The following IL10RA variants were observed in gnomAD, a reference collection of about 807,000 sequenced individuals.
The protein encoded by IL10RA is interleukin 10 receptor subunit alpha.
Under a neutral mutation model 29.6 loss-of-function variants are expected in IL10RA, and 18 were observed. That is an observed-to-expected ratio of 0.61 (90% confidence interval 0.42 to 0.90). The LOEUF is 0.90. Among genes scored for constraint, IL10RA ranks in the 40% least tolerant of loss-of-function variants. The pLI is 0.00. For missense variants in IL10RA, 634 were observed against 716.6 expected (o/e 0.88, Z 1.32); for synonymous variants, 292 against 294.1 (o/e 0.99, Z 0.07).
At position 117,989,199 on chromosome 11, in the gene IL10RA, G is replaced by A. The variant is rs949253172; in HGVS notation, c.189-243G>A. 6.6e-6 allele frequency among the ~76,000 whole-genome samples: 1 copy of A among 152,258 alleles called. No homozygotes were observed. The highest frequency in any genetic ancestry group is 6.5e-5 in the Admixed American group (1 of 15,288). On this transcript the variant is annotated intron_variant, in intron 2 of 6. Coordinates refer to ENST00000227752, the MANE Select transcript of IL10RA (RefSeq NM_001558.4). This position sits in a 1 kb window ranked among gnomAD's most constrained non-coding sequence, Gnocchi z 4.5. ...CTGTAGGAGCCAGAAAGAATTTCTG[G>A]AAGAGCTGGGCCTACTCGTATTCCT...
intron 6 of IL10RA, among the ~76,000 whole-genome samples, chr11:117,997,294 T>C (rs192150875): frequency 3.9e-5 from 6 of 152,368 alleles, no homozygotes; most frequent in Admixed American, 2.6e-4. Flanking sequence ...GCACCTTCTA[T>C]GTACCACACT....
At chr11:117,996,250 G>C (rs1354285248) in intron 6 of IL10RA, among the ~76,000 whole-genome samples, 2 of 152,112 alleles carry the variant, frequency 1.3e-5, no homozygotes, top group African/African-American at 4.8e-5. Context: ...GAGGACACTG[G>C]GGGGCGGTGG....
chr11:118,001,610 G>A (rs926867184), downstream of IL10RA: 3 of 357,754 alleles, frequency 8.4e-6, no homozygotes, highest in Admixed American at 7.5e-5. Context: ...TGAGGACTCA[G>A]GCTTAAATCT....
At position 117,999,734 on chromosome 11, in the gene IL10RA, C is replaced by A; in HGVS notation, c.*93C>A. Reference sequence around the variant, plus strand: ...CCTGGGGCAGAAGTTAGGCACGAGGCAGTCTGGGCACTTTTCTGCAAGTCC... The same window carrying A: ...CCTGGGGCAGAAGTTAGGCACGAGGAAGTCTGGGCACTTTTCTGCAAGTCC... On this transcript the variant is annotated 3_prime_UTR_variant, in exon 7 of 7. Transcript: ENST00000227752. The A allele has an allele frequency of 1.7e-6, 2 of 1,167,244 alleles. No homozygotes were observed. Among genetic ancestry groups the A allele is most frequent in the Non-Finnish European group, 2.5e-6 (2 of 792,820 alleles). 72.3% of individuals were successfully genotyped at this position (1,167,244 alleles called of 1,614,324 possible). A position where few individuals can be genotyped will look rare whatever the true frequency, so the allele number is the denominator to read the frequency against.
intron 3 of IL10RA, among the ~76,000 whole-genome samples, chr11:117,992,196 A>G (rs1248654239): frequency 1.3e-5 from 2 of 152,222 alleles, no homozygotes; most frequent in Non-Finnish European, 2.9e-5. Context: ...ACTAATTTCA[A>G]TATCTTTCGA....
intron 1 of IL10RA, 108 bp downstream of exon 1, chr11:117,986,642 G>T: frequency 6.5e-7 from 1 of 1,539,064 alleles, no homozygotes; most frequent in Non-Finnish European, 8.7e-7. Flanking sequence ...CTGGCAGAGC[G>T]GTGCCCGGGT....
downstream of IL10RA, chr11:118,002,525 T>A (rs1035679910): frequency 2.0e-5 from 3 of 152,200 alleles, no homozygotes; most frequent in African/African-American, 7.2e-5. Flanking sequence ...TTATTCCCCA[T>A]GGAAAAGGCC....
chr11:117,987,246 TC>T lies in IL10RA; in HGVS notation c.67+713del. On this transcript the variant is annotated intron_variant, in intron 1 of 6. Coordinates refer to ENST00000227752, the MANE Select transcript of IL10RA (RefSeq NM_001558.4). ...CCAAAATACAAAGTAAAACATGCAG[TC>T]AGCCATTCACGTGATCGAGAGCTGA... 1.3e-5 allele frequency: 3 copies of T among 236,656 alleles called. No homozygotes were observed. The South Asian group carries it at 1.5e-4, about 12-fold the overall frequency. The allele number at this position is 236,656 out of a possible 1,614,324, so 14.7% of individuals were successfully genotyped here.
Position 117,998,715 on chromosome 11 carries a change from C to T in IL10RA, c.811C>T (p.Leu271Phe), listed in dbSNP as rs1241263871. The T allele has an allele frequency of 1.2e-6, 2 of 1,613,914 alleles. No individual in the cohort carries two copies. The highest frequency in any genetic ancestry group is 1.7e-6 in the Non-Finnish European group (2 of 1,179,890). The change falls in exon 7 of 7, where the codon CTC becomes TTC. Residue 271 changes from leucine (L) to phenylalanine (F), a missense_variant and splice_region_variant. Physicochemically the swap from Leu to Phe is conservative, Grantham distance 22. Coordinates refer to ENST00000227752, the MANE Select transcript of IL10RA (RefSeq NM_001558.4). ...RRRKKLPSVL[L>F]FKKPSPFIFI... ...TCTCACTCTGCCCTCTCTTCCCCAG[C>T]TCTTCAAGAAGCCCAGCCCCTTCAT...
At chr11:117,994,219 G>A in intron 5 of IL10RA, 70 bp downstream of exon 5, 1 of 1,419,014 alleles carries the variant, frequency 7.0e-7, no homozygotes, top group Non-Finnish European at 9.8e-7. Context: ...CAAAACGCGT[G>A]CACCTGGGAT....
downstream of IL10RA, chr11:118,002,174 A>C (rs1300110911): frequency 6.6e-6 from 1 of 152,148 alleles, no homozygotes; most frequent in Admixed American, 6.6e-5. Flanking sequence ...GTGGGTTTGA[A>C]TTTCTCCCCA....
At chr11:117,992,662 T>A (rs1006650957) in intron 3 of IL10RA, among the ~76,000 whole-genome samples, 1 of 152,230 alleles carries the variant, frequency 6.6e-6, no homozygotes, top group African/African-American at 2.4e-5. Context: ...ACTCTAGTGG[T>A]TGTTTCTTTT....
Position 117,988,431 on chromosome 11 carries a change from C to G in IL10RA, c.117C>G (p.Phe39Leu). ...PPSVWFEAEF[F>L]HHILHWTPIP... ...CTGTGTGGTTTGAAGCAGAATTTTT[C>G]CACCACATCCTCCACTGGACACCCA... The change falls in exon 2 of 7, where the codon TTC (phenylalanine) becomes TTG (leucine). Residue 39 changes from phenylalanine to leucine, a missense_variant. Physicochemically the swap from Phe to Leu is conservative, Grantham distance 22 (BLOSUM62 0). Transcript: ENST00000227752. 1.9e-6 allele frequency: 3 copies of G among 1,614,168 alleles called. No homozygotes were observed. The highest frequency in any genetic ancestry group is 2.5e-6 in the Non-Finnish European group (3 of 1,180,012).
rs142012057 is a variant in IL10RA at position 117,994,557 on chromosome 11, C to T, written c.688+408C>T. Among the ~76,000 whole-genome samples the T allele has an allele frequency of 5.5e-3, 836 of 152,320 alleles. 7 individuals carry two copies. The highest frequency in any genetic ancestry group is 0.011 in the South Asian group (51 of 4,822). The stretch of plus-strand genomic sequence containing the variant: ...GCTTCTCCTTACTTCCCCTACTCTG[C>T]TCTGCTCCTCGCCAGAGCTGCTAAA... On this transcript the variant is annotated intron_variant, in intron 5 of 6. Transcript: ENST00000227752.
rs2058010972 is a variant in IL10RA, at chr11:117,989,928, G to A, written c.367+308G>A. Among the ~76,000 whole-genome samples, 1 of 152,230 alleles carries A rather than the reference G, an allele frequency of 6.6e-6. No individual in the cohort carries two copies. Among genetic ancestry groups the A allele is most frequent in the South Asian group, 2.1e-4 (1 of 4,828 alleles). The stretch of plus-strand genomic sequence containing the variant: ...TTTTTCAGGGAGGGTTCAGGGAGAG[G>A]AAGCGAATCCATGAACACTCAGCAT... On this transcript the variant is annotated intron_variant, in intron 3 of 6. Transcript: ENST00000227752. This position sits in a 1 kb window ranked among gnomAD's most constrained non-coding sequence, Gnocchi z 4.5.
At chr11:117,993,047 T>G in intron 3 of IL10RA, 194 bp from the exon 4 acceptor site, 2 of 593,518 alleles carry the variant, frequency 3.4e-6, no homozygotes, top group East Asian at 2.9e-5. Flanking sequence ...ATGCATCTGA[T>G]TTTAGGGTAT....
intron 6 of IL10RA, 37 bp from the exon 7 acceptor site, chr11:117,998,678 G>A (rs2058071362): frequency 1.3e-6 from 2 of 1,595,902 alleles, no homozygotes; most frequent in African/African-American, 2.7e-5. Flanking sequence ...GCTGGAAGGT[G>A]ACTCCTGCTT....
chr11:117,993,152 A>G, intron 3 of IL10RA, 89 bp from the exon 4 acceptor site: 2 of 1,243,910 alleles, frequency 1.6e-6, no homozygotes, highest in Non-Finnish European at 2.4e-6. Context: ...ATTAAGCTTA[A>G]TTCTGGAGGC....
intron 6 of IL10RA, among the ~76,000 whole-genome samples, chr11:117,997,381 C>T (rs1422150822): frequency 1.3e-5 from 2 of 152,154 alleles, no homozygotes; most frequent in Non-Finnish European, 1.5e-5. Context: ...AGATGAGGAA[C>T]TAAAGCACAG....
Sources: gnomAD v4.1 joint callset for allele counts (sites outside exome capture counted in the v4.1 genomes callset) on GRCh38, gnomAD v4.1.1 for gene constraint, Gnocchi (gnomAD v3.1) non-coding constraint, MANE v1.5 for transcripts, NCBI Gene and HGNC (gene_info 2026-07-23, HGNC 2026-07-21) for gene names.